TUSC3: variants seen among roughly 807,000 people sequenced by gnomAD.
The protein encoded by TUSC3 is dolichyl-diphosphooligosaccharide--protein glycosyltransferase subunit TUSC3.
A neutral mutation model predicts 44.8 loss-of-function variants in TUSC3; 45 were observed. The observed-to-expected ratio is 1.00, with a 90% CI of 0.79 to 1.29. The LOEUF (loss-of-function observed/expected upper bound fraction) is 1.29. TUSC3 is among the 50% of genes most tolerant of loss of function. The probability of loss-of-function intolerance (pLI) is 0.00; values close to 1 mark genes in which losing one functional copy is unlikely to be tolerated. For missense variants in TUSC3, 519 were observed against 437.9 expected, an observed-to-expected ratio of 1.19 and a Z score of -1.65; for synonymous variants, 212 against 152.9, an observed-to-expected ratio of 1.39 and a Z score of -2.85.
chr8:15,609,690 A>G (rs1343931061), intron 1 of TUSC3, among the ~76,000 whole-genome samples: 1 of 152,060 alleles, frequency 6.6e-6, no homozygotes, highest in African/African-American at 2.4e-5. Flanking sequence ...CTGTCTCTTG[A>G]TAGTAGGGTA....
the TUSC3 span, among the ~76,000 whole-genome samples, chr8:15,775,910 C>T: frequency 6.6e-6 from 1 of 151,602 alleles, no homozygotes; most frequent in South Asian, 2.1e-4. Flanking sequence ...AGAAAATGGA[C>T]AGAGAACAAG....
intron 2 of TUSC3, among the ~76,000 whole-genome samples, chr8:15,509,438 A>G (rs532189880): frequency 2.0e-5 from 3 of 152,216 alleles, no homozygotes; most frequent in Non-Finnish European, 2.9e-5. Context: ...GTGACATCCC[A>G]TCTCTACTAA....
intron 8 of TUSC3, among the ~76,000 whole-genome samples, chr8:15,746,615 A>C (rs1811427216): frequency 6.6e-6 from 1 of 152,030 alleles, no homozygotes; most frequent in African/African-American, 2.4e-5. Flanking sequence ...ACTGCATAGG[A>C]TCAAGTAATT....
the TUSC3 span, among the ~76,000 whole-genome samples, chr8:15,840,853 G>C: frequency 6.6e-6 from 1 of 152,156 alleles, no homozygotes. Context: ...CTAAGCCTAA[G>C]TTAATGACAT....
intron 1 of TUSC3, among the ~76,000 whole-genome samples, chr8:15,424,878 CA>C (rs67073442): frequency 0.46 from 62,030 of 135,030 alleles, 12,770 homozygotes; most frequent in Non-Finnish European, 0.47. Flanking sequence ...GACTCTGTCT[CA>C]AAAAAAAAAA....
At chr8:15,490,543 G>A (rs1197648741) in intron 2 of TUSC3, among the ~76,000 whole-genome samples, 1 of 152,166 alleles carries the variant, frequency 6.6e-6, no homozygotes. Context: ...AGCACTGAAG[G>A]AGAACAGCAG....
chr8:15,457,828 T>TA (rs541882577), intron 1 of TUSC3, among the ~76,000 whole-genome samples: 1 of 146,512 alleles, frequency 6.8e-6, no homozygotes, highest in South Asian at 2.1e-4. Flanking sequence ...TAATTAATTA[T>TA]TAATAAATTA....
Position 15,685,894 on chromosome 8 carries a change from G to A in TUSC3, c.798+12058G>A, listed in dbSNP as rs184469020. 1.0e-4 allele frequency among the ~76,000 whole-genome samples: 6 copies of A among 57,850 alleles called. No homozygotes were observed. In the Admixed American group the frequency reaches 1.1e-3, roughly 10 times the overall value. The allele number at this position is 57,850 out of a possible 152,430, so 38.0% of individuals were successfully genotyped here. A position where few individuals can be genotyped will look rare whatever the true frequency, so the allele number is the denominator to read the frequency against. ...TTTGAAAAATTAGTGGTATTTGTAA[G>A]GCTAGTGACTCTGCTCATATTAATT... On this transcript the variant is annotated intron_variant, in intron 6 of 10. Coordinates refer to ENST00000503731, the MANE Select transcript of TUSC3 (RefSeq NM_006765.4).
At chr8:15,660,654 T>G (rs1325992243) in intron 4 of TUSC3, among the ~76,000 whole-genome samples, 1 of 151,950 alleles carries the variant, frequency 6.6e-6, no homozygotes, top group Non-Finnish European at 1.5e-5. Context: ...ATGGTACCAC[T>G]GTCATTGTAA....
chr8:15,571,261 A>AT (rs991057982), intron 1 of TUSC3, among the ~76,000 whole-genome samples: 6 of 151,864 alleles, frequency 4.0e-5, no homozygotes, highest in African/African-American at 1.4e-4. Context: ...ACCGCTATTA[A>AT]TTTTTTTTAA....
chr8:15,495,606 A>G (rs957490530), intron 2 of TUSC3, among the ~76,000 whole-genome samples: 3 of 152,014 alleles, frequency 2.0e-5, no homozygotes, highest in Non-Finnish European at 4.4e-5. Context: ...CCCCTCCCCT[A>G]ATGCACAATT....
chr8:15,575,127 G>A (rs542416754), intron 1 of TUSC3, among the ~76,000 whole-genome samples: 1 of 151,772 alleles, frequency 6.6e-6, no homozygotes, highest in African/African-American at 2.4e-5. Context: ...CATTTTATGG[G>A]ACATTATGAA....
chr8:15,701,787 T>C (rs1050594412), intron 6 of TUSC3, among the ~76,000 whole-genome samples: 7 of 152,138 alleles, frequency 4.6e-5, no homozygotes, highest in African/African-American at 7.2e-5. Context: ...TGGAACAGTT[T>C]AGGTTTGTTG....
At chr8:15,495,336 CAAAG>C (rs1454975207) in intron 2 of TUSC3, among the ~76,000 whole-genome samples, 2 of 152,174 alleles carry the variant, frequency 1.3e-5, no homozygotes, top group Non-Finnish European at 2.9e-5. Flanking sequence ...TCACACCTGA[CAAAG>C]AACCCAATGT....
intron 1 of TUSC3, among the ~76,000 whole-genome samples, chr8:15,567,831 C>T (rs1254913792): frequency 6.6e-6 from 1 of 152,190 alleles, no homozygotes; most frequent in Non-Finnish European, 1.5e-5. Context: ...TCTCCTGTGG[C>T]ATATGCCGAA....
At chr8:15,457,872 T>A (rs57438851) in intron 1 of TUSC3, among the ~76,000 whole-genome samples, 9 of 45,222 alleles carry the variant, frequency 2.0e-4, no homozygotes, top group African/African-American at 3.5e-4. Context: ...AATAAATTAA[T>A]TAGATAATTA....
chr8:15,504,812 C>T (rs1197907197), intron 2 of TUSC3, among the ~76,000 whole-genome samples: 4 of 150,140 alleles, frequency 2.7e-5, no homozygotes, highest in African/African-American at 9.8e-5. Flanking sequence ...GCCACCATGC[C>T]CAGCTAATTT....
chr8:15,519,973 A>G, intron 2 of TUSC3, among the ~76,000 whole-genome samples: 1 of 152,216 alleles, frequency 6.6e-6, no homozygotes, highest in East Asian at 1.9e-4. Flanking sequence ...AAGAATTAGC[A>G]ATCTCTTTGC....
the TUSC3 span, among the ~76,000 whole-genome samples, chr8:15,851,050 G>T: frequency 6.6e-6 from 1 of 152,194 alleles, no homozygotes; most frequent in Admixed American, 6.5e-5. Context: ...GTGAACAGGT[G>T]TAACGTGTCT....
Sources: allele counts gnomAD v4.1 joint callset (sites outside exome capture counted in the v4.1 genomes callset), GRCh38; gene constraint gnomAD v4.1.1; transcripts MANE v1.5; gene names NCBI Gene and HGNC (gene_info 2026-07-23, HGNC 2026-07-21).